NWD2: variants seen among roughly 807,000 people sequenced by gnomAD.
NWD2 encodes NACHT and WD repeat domain-containing protein 2.
A neutral mutation model predicts 132.7 loss-of-function variants in NWD2; 37 were observed. That is an observed-to-expected ratio of 0.28 (90% confidence interval 0.21 to 0.37). The LOEUF is 0.37. NWD2 is among the 10% of genes least tolerant of loss of function. NWD2 has a pLI of 1.00. For synonymous variants in NWD2, 705 were observed against 803.0 expected (o/e 0.88, Z 2.06); for missense variants, 1,592 against 2,122.4 (o/e 0.75, Z 4.91).
chr4:37,436,832 C>G (rs934408863), intron 5 of NWD2, among the ~76,000 whole-genome samples: 1 of 152,114 alleles, frequency 6.6e-6, no homozygotes, highest in Non-Finnish European at 1.5e-5. Flanking sequence ...TACATTATAA[C>G]AAGTTCTTAC....
intron 2 of NWD2, among the ~76,000 whole-genome samples, chr4:37,351,180 T>C (rs967068513): frequency 3.9e-5 from 6 of 152,216 alleles, no homozygotes; most frequent in African/African-American, 1.2e-4. Context: ...GGTATCAGAA[T>C]GATGCTGGCC....
At chr4:37,378,270 G>C (rs1720385346) in intron 3 of NWD2, among the ~76,000 whole-genome samples, 1 of 43,864 alleles carries the variant, frequency 2.3e-5, no homozygotes, top group Non-Finnish European at 4.6e-5. Context: ...CTCCTATATT[G>C]ATGTCTGAAT....
intron 1 of NWD2, among the ~76,000 whole-genome samples, chr4:37,247,703 G>C (rs1054183909): frequency 6.6e-6 from 1 of 150,828 alleles, no homozygotes; most frequent in African/African-American, 2.4e-5. Flanking sequence ...TCCACCTCCC[G>C]GCTCCAAGCT....
At chr4:37,275,785 A>G (rs1717998454) in intron 1 of NWD2, among the ~76,000 whole-genome samples, 1 of 152,178 alleles carries the variant, frequency 6.6e-6, no homozygotes, top group African/African-American at 2.4e-5. Context: ...AGCCCTCAGA[A>G]GTAAGGCCAC....
At chr4:37,295,498 G>A (rs982715941) in intron 1 of NWD2, among the ~76,000 whole-genome samples, 7 of 152,152 alleles carry the variant, frequency 4.6e-5, no homozygotes, top group African/African-American at 1.7e-4. Context: ...CAAAATCAAA[G>A]CAAGTTTCAC....
rs527539229 is a variant in NWD2, at chr4:37,266,732, A to T, written c.151+21514A>T. Among the ~76,000 whole-genome samples, 4 of 152,154 alleles carry T rather than the reference A, an allele frequency of 2.6e-5. No homozygotes were observed. In the South Asian group the frequency reaches 8.3e-4, roughly 32 times the overall value. On this transcript the variant is annotated intron_variant, in intron 1 of 6. Transcript: ENST00000309447. ...TTTCTTAACTTATATCATTAATTAT[A>T]CCGCCTTTATTTTGTCCTGTTTTTC... is the stretch of plus-strand genomic sequence containing the variant.
At chr4:37,272,864 C>T (rs993643598) in intron 1 of NWD2, among the ~76,000 whole-genome samples, 2 of 151,704 alleles carry the variant, frequency 1.3e-5, no homozygotes, top group Non-Finnish European at 1.5e-5. Flanking sequence ...AACCACCTTT[C>T]TGATGTAAGC....
intron 1 of NWD2, among the ~76,000 whole-genome samples, chr4:37,279,367 T>C (rs986739506): frequency 2.0e-5 from 3 of 152,152 alleles, no homozygotes; most frequent in Non-Finnish European, 2.9e-5. Context: ...AAAGTTAACA[T>C]AGTAATTTAC....
Position 37,277,567 on chromosome 4 carries a change from T to C in NWD2, c.151+32349T>C, listed in dbSNP as rs113188402. Among the ~76,000 whole-genome samples, 29 of 152,256 alleles carry C rather than the reference T, an allele frequency of 1.9e-4. 1 individual carries two copies. The highest frequency in any genetic ancestry group is 6.7e-4 in the African/African-American group (28 of 41,576). On this transcript the variant is annotated intron_variant, in intron 1 of 6. Transcript: ENST00000309447. ...GGAATTTTTATTTCAGTTATTGTAA[T>C]TTTCAACTCTAAATTTAAAAAAAAA...
rs201172203 is a variant in NWD2 at position 37,342,908 on chromosome 4, C to T, written c.241-13458C>T. Among the ~76,000 whole-genome samples, 16 of 152,294 alleles carry T rather than the reference C, an allele frequency of 1.1e-4. No homozygotes were observed. In the East Asian group the frequency reaches 2.9e-3, roughly 28 times the overall value. ...GCCAGTCAGTCCTTTCTGGGCTTAACTGAGGACCTGTTTGTTGCCTGTTTT... is the reference window on the plus strand; with the variant it reads ...GCCAGTCAGTCCTTTCTGGGCTTAATTGAGGACCTGTTTGTTGCCTGTTTT... On this transcript the variant is annotated intron_variant, in intron 2 of 6. Coordinates refer to ENST00000309447, the MANE Select transcript of NWD2 (RefSeq NM_001144990.2).
intron 3 of NWD2, among the ~76,000 whole-genome samples, chr4:37,385,140 C>G (rs1720534781): frequency 6.6e-6 from 1 of 152,160 alleles, no homozygotes; most frequent in African/African-American, 2.4e-5. Flanking sequence ...GATTAAAACA[C>G]ATGACCGATC....
chr4:37,378,526 C>A (rs1385761945), intron 3 of NWD2, among the ~76,000 whole-genome samples: 1 of 152,188 alleles, frequency 6.6e-6, no homozygotes, highest in Non-Finnish European at 1.5e-5. Context: ...AAATTCTAAC[C>A]TAATTTTGCC....
chr4:37,422,203 C>T (rs1711836418), intron 3 of NWD2, among the ~76,000 whole-genome samples: 1 of 152,188 alleles, frequency 6.6e-6, no homozygotes, highest in Non-Finnish European at 1.5e-5. Flanking sequence ...TTCCTGCAAA[C>T]ATAGCTATGA....
chr4:37,338,836 C>T (rs1403897975), intron 2 of NWD2, among the ~76,000 whole-genome samples: 4 of 152,212 alleles, frequency 2.6e-5, no homozygotes, highest in Non-Finnish European at 5.9e-5. Context: ...TCCTCTGTCT[C>T]TTAACTGTCT....
In NWD2 at chr4:37,307,314, G is replaced by A. The variant is rs186628391; in HGVS notation, c.152-18622G>A. Reference sequence around the variant, plus strand: ...ACTCTCATGTATTTCTTGTCGTGTAGGTCTAGTGGTAAATTCCCACAGTTT... The same window carrying A: ...ACTCTCATGTATTTCTTGTCGTGTAAGTCTAGTGGTAAATTCCCACAGTTT... On this transcript the variant is annotated intron_variant, in intron 1 of 6. Transcript: ENST00000309447. 3.2e-3 allele frequency among the ~76,000 whole-genome samples: 482 copies of A among 152,198 alleles called. 3 individuals carry two copies. The highest frequency in any genetic ancestry group is 3.8e-3 in the Non-Finnish European group (259 of 68,016).
At chr4:37,419,368 A>T (rs1380444335) in intron 3 of NWD2, among the ~76,000 whole-genome samples, 4 of 152,242 alleles carry the variant, frequency 2.6e-5, no homozygotes, top group Non-Finnish European at 5.9e-5. Flanking sequence ...AAGAACCAAG[A>T]GCAATGGCAA....
At chr4:37,408,794 G>T (rs1721097164) in intron 3 of NWD2, among the ~76,000 whole-genome samples, 1 of 152,184 alleles carries the variant, frequency 6.6e-6, no homozygotes, top group Non-Finnish European at 1.5e-5. Context: ...GCTGGCATCT[G>T]GCAGGTGCCC....
chr4:37,393,561 T>C (rs976815474), intron 3 of NWD2, among the ~76,000 whole-genome samples: 4 of 152,224 alleles, frequency 2.6e-5, no homozygotes, highest in African/African-American at 9.6e-5. Flanking sequence ...ATGCAACTAC[T>C]ACCACAGACT....
chr4:37,388,606 T>C (rs1577687187), intron 3 of NWD2, among the ~76,000 whole-genome samples: 2 of 148,818 alleles, frequency 1.3e-5, no homozygotes, highest in East Asian at 3.9e-4. Context: ...ATATTTCTAT[T>C]GTGGAAAATA....
Sources: allele counts gnomAD v4.1 joint callset (sites outside exome capture counted in the v4.1 genomes callset), GRCh38; gene constraint gnomAD v4.1.1; transcripts MANE v1.5; gene names NCBI Gene and HGNC (gene_info 2026-07-23, HGNC 2026-07-21).